Variants in RP2 observed in about 807,000 individuals in gnomAD.
RP2 encodes protein XRP2.
RP2 carries 3 observed loss-of-function variants against 20.3 expected under a neutral mutation model. That is an observed-to-expected ratio of 0.15 (90% confidence interval 0.07 to 0.38). RP2 has a LOEUF of 0.38. RP2 is among the 10% of genes least tolerant of loss of function. The pLI, the probability that RP2 is intolerant of heterozygous loss-of-function variation, is 1.00. For synonymous variants in RP2, 75 were observed against 94.8 expected (o/e 0.79, Z 1.22); for missense variants, 233 against 268.5 (o/e 0.87, Z 0.92).
At position 46,879,682 on chromosome X, in the gene RP2, A is replaced by G; in HGVS notation, c.970-4A>G. On this transcript the variant is annotated splice_region_variant and splice_polypyrimidine_tract_variant and intron_variant, in intron 4 of 4. Coordinates refer to ENST00000218340, the MANE Select transcript of RP2 (RefSeq NM_006915.3). ...TTTTTTTTTTAATTTTCTATTTAAAATAGATGTTTGTATCTGAAAGCAAGG... is the reference window on the plus strand; with the variant it reads ...TTTTTTTTTTAATTTTCTATTTAAAGTAGATGTTTGTATCTGAAAGCAAGG... The G allele has an allele frequency of 8.5e-7, 1 of 1,171,337 alleles. No homozygotes were observed. Among genetic ancestry groups the G allele is most frequent in the South Asian group, 1.8e-5 (1 of 55,279 alleles).
chrX:46,860,133 G>A, intron 3 of RP2, 31 bp downstream of exon 3: 2 of 1,010,630 alleles, frequency 2.0e-6, no homozygotes, highest in Non-Finnish European at 2.8e-6. Context: ...ATACTTTTGT[G>A]GATATTTTCT....
Position 46,854,034 on chromosome X carries a change from G to A in RP2, c.661G>A (p.Val221Ile). 8.3e-7 allele frequency: 1 copy of A among 1,211,794 alleles called. No homozygotes were observed. Among genetic ancestry groups the A allele is most frequent in the East Asian group, 3.0e-5 (1 of 33,881 alleles). ...RVSTEANRSI[V>I]PISRGQRQKS... The stretch of plus-strand genomic sequence containing the variant: ...TTCCACAGAAGCCAATAGAAGCATT[G>A]TTCCAATATCCCGGGGTCAGAGACA... Residue 221 changes from valine (V) to isoleucine (I), a missense_variant, in exon 2 of 5, where the codon GTT becomes ATT. Transcript: ENST00000218340.
chrX:46,877,625 T>A (rs781822346), intron 4 of RP2, 35 bp downstream of exon 4: 4 of 956,445 alleles, frequency 4.2e-6, no homozygotes, highest in Non-Finnish European at 6.0e-6. Flanking sequence ...TCAATCTAAC[T>A]TTTCATTTCA....
chrX:46,866,105 T>C (rs1556322393), intron 3 of RP2, among the ~76,000 whole-genome samples: 2 of 111,524 alleles, frequency 1.8e-5, no homozygotes, highest in South Asian at 7.6e-4. Flanking sequence ...CTTTTGAATT[T>C]TGAACACTTC....
intron 3 of RP2, among the ~76,000 whole-genome samples, chrX:46,862,432 G>A (rs1925084894): frequency 9.1e-6 from 1 of 109,432 alleles, no homozygotes; most frequent in African/African-American, 3.3e-5. Flanking sequence ...AGGCCAAGGC[G>A]GGCAGATCAC....
At chrX:46,876,481 A>C (rs1925375679) in intron 3 of RP2, among the ~76,000 whole-genome samples, 1 of 111,664 alleles carries the variant, frequency 9.0e-6, no homozygotes, top group African/African-American at 3.3e-5. Flanking sequence ...GAGGATGTGC[A>C]TAAGTTATAT....
At chrX:46,869,812 T>C (rs1556325408) in intron 3 of RP2, among the ~76,000 whole-genome samples, 1 of 108,314 alleles carries the variant, frequency 9.2e-6, no homozygotes, top group Non-Finnish European at 1.9e-5. Context: ...TTTCTCCATG[T>C]TGGTCAGGCT....
At position 46,880,307 on chromosome X, in the gene RP2, C is replaced by T. The variant is rs188055123; in HGVS notation, c.*538C>T. 8.9e-6 allele frequency: 1 copy of T among 112,414 alleles called. No individual in the cohort carries two copies. Among genetic ancestry groups the T allele is most frequent in the African/African-American group, 3.2e-5 (1 of 30,987 alleles). 9.3% of individuals were successfully genotyped at this position (112,414 alleles called of 1,213,427 possible). A position where few individuals can be genotyped will look rare whatever the true frequency, so the allele number is the denominator to read the frequency against. On this transcript the variant is annotated 3_prime_UTR_variant, in exon 5 of 5. Coordinates refer to ENST00000218340, the MANE Select transcript of RP2 (RefSeq NM_006915.3). ...AATGAGATTTTGTACATGGAGTTGA[C>T]ATAATACTTTGTAAATTGAATTTTT... is the stretch of plus-strand genomic sequence containing the variant.
At chrX:46,862,853 T>C (rs1198760166) in intron 3 of RP2, among the ~76,000 whole-genome samples, 1 of 112,014 alleles carries the variant, frequency 8.9e-6, no homozygotes, top group African/African-American at 3.2e-5. Flanking sequence ...ACATCATATG[T>C]AGAGTGTTCT....
At chrX:46,847,717 T>TATATGTGTGTGTATATATACACAC (rs1924746565) in intron 1 of RP2, among the ~76,000 whole-genome samples, 2 of 67,971 alleles carry the variant, frequency 2.9e-5, no homozygotes, top group African/African-American at 1.2e-4. Flanking sequence ...TATACACACA[T>TATATGTGTGTGTATATATACACAC]ATATGTGTGT....
rs573731763 is a variant in RP2, at chrX:46,859,327, T to A, written c.769-661T>A. The stretch of plus-strand genomic sequence containing the variant: ...CAAGAACCTGTTTCTACAAAAAAAA[T>A]TTTAAAAATTAGCCAGGCATGGTGG... On this transcript the variant is annotated intron_variant, in intron 2 of 4. Coordinates refer to ENST00000218340, the MANE Select transcript of RP2 (RefSeq NM_006915.3). Among the ~76,000 whole-genome samples, 87 of 108,730 alleles carry A rather than the reference T, an allele frequency of 8.0e-4. 1 individual carries two copies. The South Asian group carries it at 0.031, about 38-fold the overall frequency. The allele number at this position is 108,730 out of a possible 115,157, so 94.4% of individuals were successfully genotyped here. A position where few individuals can be genotyped will look rare whatever the true frequency, so the allele number is the denominator to read the frequency against.
chrX:46,847,782 ACACACATGTGTG>A (rs1924769423), intron 1 of RP2, among the ~76,000 whole-genome samples: 1 of 76,979 alleles, frequency 1.3e-5, no homozygotes, highest in African/African-American at 6.8e-5. Flanking sequence ...GTGTGTACAT[ACACACATGTGTG>A]TGTGTATATA....
At chrX:46,858,473 C>T (rs1165947017) in intron 2 of RP2, among the ~76,000 whole-genome samples, 2 of 109,145 alleles carry the variant, frequency 1.8e-5, no homozygotes, top group African/African-American at 6.8e-5. Flanking sequence ...AATATGACTA[C>T]ATTTTTTTTT....
In RP2 at chrX:46,868,558, G is replaced by A. The variant is rs781823710; in HGVS notation, c.883+8456G>A. Among the ~76,000 whole-genome samples, 7 of 109,539 alleles carry A rather than the reference G, an allele frequency of 6.4e-5. No homozygotes were observed. In the South Asian group the frequency reaches 2.8e-3, roughly 43 times the overall value. On this transcript the variant is annotated intron_variant, in intron 3 of 4. Transcript: ENST00000218340. Reference sequence around the variant, plus strand: ...CCAGCACTTTAGGAGGCCAAGGTGGGTGGATCACTTGAGGCCAGAAGTTCG... The same window carrying A: ...CCAGCACTTTAGGAGGCCAAGGTGGATGGATCACTTGAGGCCAGAAGTTCG...
intron 1 of RP2, among the ~76,000 whole-genome samples, chrX:46,851,091 T>C (rs1026416220): frequency 1.8e-5 from 2 of 112,014 alleles, no homozygotes; most frequent in Non-Finnish European, 3.8e-5. Context: ...TAAGTCAATT[T>C]AAGCTCATTT....
chrX:46,844,503 T>C (rs1924681243), intron 1 of RP2, among the ~76,000 whole-genome samples: 1 of 111,424 alleles, frequency 9.0e-6, no homozygotes, highest in Non-Finnish European at 1.9e-5. Flanking sequence ...ACAAAGGACA[T>C]GAACTCATTC....
chrX:46,838,065 T>G, intron 1 of RP2, among the ~76,000 whole-genome samples: 1 of 112,702 alleles, frequency 8.9e-6, no homozygotes, highest in Admixed American at 9.4e-5. Flanking sequence ...ACTTATCAAT[T>G]ATTTCTCCCA....
chrX:46,847,696 G>A (rs1394097475), intron 1 of RP2, among the ~76,000 whole-genome samples: 1 of 93,208 alleles, frequency 1.1e-5, no homozygotes, highest in East Asian at 3.3e-4. Flanking sequence ...ATATATATGT[G>A]TGTGTGTATA....
chrX:46,881,084 A>G lies in RP2; in HGVS notation c.*1315A>G, dbSNP rs782605373. ...AAAATAACCACTTGTAAACATTCCTATGATTGTTACTAAAATGTATTTTCA... is the reference window on the plus strand; with the variant it reads ...AAAATAACCACTTGTAAACATTCCTGTGATTGTTACTAAAATGTATTTTCA... On this transcript the variant is annotated 3_prime_UTR_variant, in exon 5 of 5. Coordinates refer to ENST00000218340, the MANE Select transcript of RP2 (RefSeq NM_006915.3). The G allele has an allele frequency of 8.9e-6, 1 of 112,158 alleles. No individual in the cohort carries two copies. The highest frequency in any genetic ancestry group is 2.8e-4 in the East Asian group (1 of 3,599). The allele number at this position is 112,158 out of a possible 1,213,427, so 9.2% of individuals were successfully genotyped here. A position where few individuals can be genotyped will look rare whatever the true frequency, so the allele number is the denominator to read the frequency against.
Sources: gnomAD v4.1 joint callset for allele counts (sites outside exome capture counted in the v4.1 genomes callset) on GRCh38, gnomAD v4.1.1 for gene constraint, MANE v1.5 for transcripts, NCBI Gene and HGNC (gene_info 2026-07-23, HGNC 2026-07-21) for gene names.